CHRM3: variants seen among roughly 807,000 people sequenced by gnomAD.
The protein encoded by CHRM3 is cholinergic receptor muscarinic 3.
In CHRM3, 11 loss-of-function variants were observed where a neutral mutation model predicts 41.8. The ratio of observed to expected loss-of-function variants is 0.26; its 90% CI spans 0.17 to 0.44. CHRM3 has a LOEUF of 0.44. Ranked by LOEUF, CHRM3 falls within the 20% of genes least tolerant of loss-of-function variation. The probability of loss-of-function intolerance (pLI) is 1.00; values close to 1 mark genes in which losing one functional copy is unlikely to be tolerated. For missense variants in CHRM3, 571 were observed against 745.4 expected, an observed-to-expected ratio of 0.77 and a Z score of 2.72; for synonymous variants, 297 against 301.4, an observed-to-expected ratio of 0.99 and a Z score of 0.15.
At chr1:239,681,697 G>A (rs551910388) in intron 5 of CHRM3, among the ~76,000 whole-genome samples, 226 of 152,202 alleles carry the variant, frequency 1.5e-3, no homozygotes, top group South Asian at 3.9e-3. Flanking sequence ...AGTCGAGACC[G>A]GCCTGAGCTG....
At chr1:239,697,853 C>T (rs1300437247) in intron 5 of CHRM3, among the ~76,000 whole-genome samples, 2 of 152,120 alleles carry the variant, frequency 1.3e-5, no homozygotes, top group Non-Finnish European at 2.9e-5. Context: ...TAGAGGTACA[C>T]ATAGAAACCA....
chr1:239,418,467 A>G (rs978645653), intron 1 of CHRM3, among the ~76,000 whole-genome samples: 4 of 152,194 alleles, frequency 2.6e-5, no homozygotes, highest in African/African-American at 7.2e-5. Flanking sequence ...TGTATGTGGT[A>G]TGTGTATGTG....
intron 1 of CHRM3, among the ~76,000 whole-genome samples, chr1:239,420,886 T>A (rs1378556421): frequency 6.6e-6 from 1 of 152,166 alleles, no homozygotes; most frequent in African/African-American, 2.4e-5. Flanking sequence ...TGTAAATTAT[T>A]CCGTCTCACA....
intron 2 of CHRM3, among the ~76,000 whole-genome samples, chr1:239,518,182 G>T (rs1287437142): frequency 6.6e-6 from 1 of 152,184 alleles, no homozygotes; most frequent in East Asian, 1.9e-4. Flanking sequence ...TAAAGAGCAC[G>T]AGGAAAGACT....
chr1:239,435,877 C>G (rs956370804), intron 1 of CHRM3, among the ~76,000 whole-genome samples: 1 of 152,102 alleles, frequency 6.6e-6, no homozygotes, highest in African/African-American at 2.4e-5. Context: ...TCACATTTCT[C>G]TGCTCTGGGC....
chr1:239,597,687 G>C (rs992788729), intron 3 of CHRM3, among the ~76,000 whole-genome samples: 1 of 151,748 alleles, frequency 6.6e-6, no homozygotes, highest in African/African-American at 2.4e-5. Context: ...CAAAAATGCT[G>C]TAAATATTTA....
chr1:239,574,730 C>G (rs1161549905), intron 3 of CHRM3, among the ~76,000 whole-genome samples: 1 of 152,000 alleles, frequency 6.6e-6, no homozygotes, highest in African/African-American at 2.4e-5. Flanking sequence ...TTTCCTTCTT[C>G]TTCTTTCTTT....
chr1:239,481,259 T>G (rs535995661), intron 1 of CHRM3, among the ~76,000 whole-genome samples: 1 of 151,006 alleles, frequency 6.6e-6, no homozygotes, highest in African/African-American at 2.5e-5. Context: ...TATACACACA[T>G]AAAGAATATC....
rs940827235 is a variant in CHRM3, at chr1:239,486,373, A to C, written c.-520-6336A>C. Among the ~76,000 whole-genome samples the C allele has an allele frequency of 2.4e-4, 37 of 152,214 alleles. 1 individual carries two copies. The highest frequency in any genetic ancestry group is 3.4e-3 in the Middle Eastern group (1 of 294). ...CATTCTTTCTTAGCTCTCAACTTGT[A>C]CCGCCACAAACCCCATCCAGTGTCA... On this transcript the variant is annotated intron_variant, in intron 1 of 6. Transcript: ENST00000676153.
chr1:239,726,677 T>G (rs1224110760), intron 5 of CHRM3, among the ~76,000 whole-genome samples: 1 of 151,914 alleles, frequency 6.6e-6, no homozygotes, highest in Admixed American at 6.6e-5. Flanking sequence ...GCAATAATTC[T>G]GTTTTCTGCT....
At chr1:239,565,534 G>T (rs928847188) in intron 3 of CHRM3, among the ~76,000 whole-genome samples, 3 of 152,098 alleles carry the variant, frequency 2.0e-5, no homozygotes, top group Admixed American at 6.6e-5. Flanking sequence ...CTAATTAAAC[G>T]TAGGAATTAA....
intron 6 of CHRM3, among the ~76,000 whole-genome samples, chr1:239,888,599 A>AG (rs1030976007): frequency 1.3e-5 from 1 of 79,424 alleles, no homozygotes; most frequent in African/African-American, 3.4e-5. Flanking sequence ...CCCTGTCTCA[A>AG]AAAAAAAAAA....
At chr1:239,502,149 T>C (rs1458281443) in intron 2 of CHRM3, among the ~76,000 whole-genome samples, 2 of 152,176 alleles carry the variant, frequency 1.3e-5, no homozygotes, top group Non-Finnish European at 2.9e-5. Context: ...AAAATGCTGA[T>C]TCTTTGAAAA....
intron 2 of CHRM3, among the ~76,000 whole-genome samples, chr1:239,528,968 C>T (rs1383490051): frequency 2.6e-5 from 4 of 152,134 alleles, no homozygotes; most frequent in African/African-American, 4.8e-5. Flanking sequence ...GAATAACCCC[C>T]GAAAACAATG....
At chr1:239,650,345 C>G (rs1228618602) in intron 4 of CHRM3, among the ~76,000 whole-genome samples, 1 of 152,128 alleles carries the variant, frequency 6.6e-6, no homozygotes, top group Non-Finnish European at 1.5e-5. Context: ...CTGCTCTAAG[C>G]CTTAGTTTCT....
In CHRM3 at chr1:239,828,465, G is replaced by T. The variant is rs541026411; in HGVS notation, c.-20+1087G>T. Reference sequence around the variant, plus strand: ...GGCATGAAGAAAAATTATTACAAAGGGTAGAGCATGAATAAGATGGCTTCT... The same window carrying T: ...GGCATGAAGAAAAATTATTACAAAGTGTAGAGCATGAATAAGATGGCTTCT... On this transcript the variant is annotated intron_variant, in intron 6 of 6. Coordinates refer to ENST00000676153, the MANE Select transcript of CHRM3 (RefSeq NM_001375978.1). Among the ~76,000 whole-genome samples the T allele has an allele frequency of 1.3e-5, 2 of 152,110 alleles. 1 individual carries two copies. Among genetic ancestry groups the T allele is most frequent in the South Asian group, 4.1e-4 (2 of 4,822 alleles).
chr1:239,720,645 T>G (rs1018721322), intron 5 of CHRM3, among the ~76,000 whole-genome samples: 4 of 152,096 alleles, frequency 2.6e-5, no homozygotes, highest in Middle Eastern at 3.4e-3. Flanking sequence ...AGTGTTTCTT[T>G]TTCTTATTTT....
At chr1:239,442,161 A>G (rs113393401) in intron 1 of CHRM3, among the ~76,000 whole-genome samples, 310 of 149,944 alleles carry the variant, frequency 2.1e-3, no homozygotes, top group African/African-American at 7.2e-3. Flanking sequence ...TTTTTTTGAG[A>G]TAGTTTTAAT....
intron 6 of CHRM3, among the ~76,000 whole-genome samples, chr1:239,856,757 AT>A (rs1558183330): frequency 6.6e-6 from 1 of 152,166 alleles, no homozygotes; most frequent in Non-Finnish European, 1.5e-5. Context: ...CTTGATAAAC[AT>A]TTATGGCATG....
Sources: gnomAD v4.1 joint callset for allele counts (sites outside exome capture counted in the v4.1 genomes callset) on GRCh38, gnomAD v4.1.1 for gene constraint, MANE v1.5 for transcripts, NCBI Gene and HGNC (gene_info 2026-07-23, HGNC 2026-07-21) for gene names.